Variants in YPEL2 observed in about 807,000 individuals in gnomAD.
YPEL2 encodes the protein protein yippee-like 2.
In YPEL2, 2 loss-of-function variants were observed where a neutral mutation model predicts 19.1. The ratio of observed to expected loss-of-function variants is 0.10; its 90% CI spans 0.04 to 0.33. The LOEUF (loss-of-function observed/expected upper bound fraction) is 0.33. Among genes scored for constraint, YPEL2 ranks in the 10% least tolerant of loss-of-function variants. YPEL2 has a pLI of 1.00. For synonymous variants in YPEL2, 52 were observed against 50.0 expected (o/e 1.04, Z -0.17); for missense variants, 66 against 140.7 (o/e 0.47, Z 2.68).
chr17:59,383,415 G>A (rs566737172), intron 2 of YPEL2, among the ~76,000 whole-genome samples: 1 of 150,056 alleles, frequency 6.7e-6, no homozygotes, highest in South Asian at 2.1e-4. Flanking sequence ...TGGCTAACAC[G>A]GTGAAACCCC....
chr17:59,370,546 T>C (rs560004600), intron 2 of YPEL2, among the ~76,000 whole-genome samples: 17 of 152,120 alleles, frequency 1.1e-4, no homozygotes, highest in African/African-American at 4.1e-4. Flanking sequence ...CACAACCTAT[T>C]TCTTGCTTTG....
rs1044801923 is a variant in YPEL2, at chr17:59,398,638, A to G, written c.*1448A>G. 7.9e-5 allele frequency: 12 copies of G among 152,234 alleles called. No individual in the cohort carries two copies. The highest frequency in any genetic ancestry group is 4.4e-5 in the Non-Finnish European group (3 of 68,052). The allele number at this position is 152,234 out of a possible 1,614,324, so 9.4% of individuals were successfully genotyped here. A position where few individuals can be genotyped will look rare whatever the true frequency, so the allele number is the denominator to read the frequency against. On this transcript the variant is annotated 3_prime_UTR_variant, in exon 5 of 5. Coordinates refer to ENST00000312655, the MANE Select transcript of YPEL2 (RefSeq NM_001005404.4). The stretch of plus-strand genomic sequence containing the variant: ...ACACTGTGAAGTCTGTTCTACAGCA[A>G]TTCAGCCATTACACAGTATATGACT...
At chr17:59,387,829 T>C (rs1797710128) in intron 2 of YPEL2, among the ~76,000 whole-genome samples, 1 of 152,072 alleles carries the variant, frequency 6.6e-6, no homozygotes, top group Non-Finnish European at 1.5e-5. Context: ...AAGCGATAAG[T>C]GTGGGTTGGA....
chr17:59,377,770 A>G (rs114086102), intron 2 of YPEL2, among the ~76,000 whole-genome samples: 2,489 of 152,256 alleles, frequency 0.016, 61 homozygotes, highest in African/African-American at 0.056. Context: ...TATGGGGTCT[A>G]AGCCGTAGGG....
At chr17:59,334,172 GAGTAGTGCCGATGAGTT>G (rs2047686545) in intron 1 of YPEL2, among the ~76,000 whole-genome samples, 1 of 152,166 alleles carries the variant, frequency 6.6e-6, no homozygotes, top group African/African-American at 2.4e-5. Context: ...TTGGAGATGT[GAGTAGTGCCGATGAGTT>G]GCGTGAGTTG....
In YPEL2 at chr17:59,389,477, A is replaced by G. The variant is rs2047997105; in HGVS notation, c.270+9A>G. ...CTCTGGGCTGGAAATACGTAAGTATAAAGGAGTTTGGTTGGTAGAGGGCTG... is the reference window on the plus strand; with the variant it reads ...CTCTGGGCTGGAAATACGTAAGTATGAAGGAGTTTGGTTGGTAGAGGGCTG... On this transcript the variant is annotated intron_variant, in intron 4 of 4. Transcript: ENST00000312655. 1 of 1,610,518 alleles carries G rather than the reference A, an allele frequency of 6.2e-7. No homozygotes were observed. Among genetic ancestry groups the G allele is most frequent in the Non-Finnish European group, 8.5e-7 (1 of 1,178,230 alleles).
intron 1 of YPEL2, among the ~76,000 whole-genome samples, chr17:59,336,453 A>T (rs1022841583): frequency 6.6e-6 from 1 of 152,226 alleles, no homozygotes; most frequent in Non-Finnish European, 1.5e-5. Flanking sequence ...AGGAGGCACT[A>T]TATGTGGGGC....
chr17:59,368,161 G>A (rs1340209934), intron 2 of YPEL2, among the ~76,000 whole-genome samples: 2 of 152,098 alleles, frequency 1.3e-5, no homozygotes, highest in East Asian at 3.9e-4. Flanking sequence ...ACAACTCACT[G>A]CAGCCACAAC....
In YPEL2 at chr17:59,399,748, C is replaced by T. The variant is rs2048060650; in HGVS notation, c.*2558C>T. ...ACATTGAGCAGCATTGGAGAGGCCA[C>T]AGCTGAGCTATGGAGATGCTAAATT... On this transcript the variant is annotated 3_prime_UTR_variant, in exon 5 of 5. Coordinates refer to ENST00000312655, the MANE Select transcript of YPEL2 (RefSeq NM_001005404.4). The T allele has an allele frequency of 6.5e-6, 1 of 152,676 alleles. No homozygotes were observed. The highest frequency in any genetic ancestry group is 2.4e-5 in the African/African-American group (1 of 41,456). The allele number at this position is 152,676 out of a possible 1,614,324, so 9.5% of individuals were successfully genotyped here.
At chr17:59,346,038 G>C (rs1048824273) in intron 1 of YPEL2, among the ~76,000 whole-genome samples, 5 of 152,204 alleles carry the variant, frequency 3.3e-5, no homozygotes, top group Admixed American at 1.3e-4. Context: ...AGGTCTCTCT[G>C]TGCTCTCTGC....
intron 1 of YPEL2, among the ~76,000 whole-genome samples, chr17:59,332,174 T>TTCC (rs1345805381): frequency 6.6e-6 from 1 of 151,824 alleles, no homozygotes; most frequent in Non-Finnish European, 1.5e-5. Context: ...GAATCGCCGC[T>TTCC]TCCTCCTCCG....
At chr17:59,369,832 G>T (rs1354838689) in intron 2 of YPEL2, among the ~76,000 whole-genome samples, 1 of 152,232 alleles carries the variant, frequency 6.6e-6, no homozygotes, top group Non-Finnish European at 1.5e-5. Context: ...CAGCTCTTTG[G>T]AGGCCTTCTT....
intron 2 of YPEL2, among the ~76,000 whole-genome samples, chr17:59,375,819 C>G (rs2047917659): frequency 6.6e-6 from 1 of 152,132 alleles, no homozygotes; most frequent in African/African-American, 2.4e-5. Context: ...TTTGAATAGC[C>G]TAAGAGATTT....
intron 2 of YPEL2, among the ~76,000 whole-genome samples, chr17:59,380,902 C>T (rs910292662): frequency 1.3e-5 from 2 of 152,220 alleles, no homozygotes; most frequent in Non-Finnish European, 2.9e-5. Context: ...AGTGGGGAAG[C>T]CTTGCCTTTT....
At chr17:59,385,749 G>T (rs1422334917) in intron 2 of YPEL2, among the ~76,000 whole-genome samples, 2 of 152,108 alleles carry the variant, frequency 1.3e-5, no homozygotes, top group Non-Finnish European at 2.9e-5. Flanking sequence ...GGTATATACA[G>T]ATATCAAAAC....
intron 1 of YPEL2, among the ~76,000 whole-genome samples, chr17:59,349,118 G>A (rs2047772701): frequency 7.0e-6 from 1 of 143,692 alleles, no homozygotes; most frequent in South Asian, 2.2e-4. Flanking sequence ...AGCTTGCAGT[G>A]AGCCGAGATG....
At chr17:59,388,209 G>A in intron 2 of YPEL2, 118 bp from the exon 3 acceptor site, 4 of 969,510 alleles carry the variant, frequency 4.1e-6, no homozygotes, top group South Asian at 1.3e-5. Flanking sequence ...AACTGGCTCA[G>A]TACTCCCTTT....
chr17:59,340,201 C>G (rs570060141), intron 1 of YPEL2, among the ~76,000 whole-genome samples: 1 of 151,824 alleles, frequency 6.6e-6, no homozygotes, highest in African/African-American at 2.4e-5. Context: ...TCCACCCCCC[C>G]AGGTTCAAGC....
chr17:59,343,234 A>G (rs1482339774), intron 1 of YPEL2, among the ~76,000 whole-genome samples: 1 of 152,214 alleles, frequency 6.6e-6, no homozygotes, highest in East Asian at 1.9e-4. Context: ...AAACTGAGTA[A>G]GGTGATTTAA....
Sources: gnomAD v4.1 joint callset for allele counts (sites outside exome capture counted in the v4.1 genomes callset) on GRCh38, gnomAD v4.1.1 for gene constraint, MANE v1.5 for transcripts, NCBI Gene and HGNC (gene_info 2026-07-23, HGNC 2026-07-21) for gene names.